Variants in ADAR observed in about 807,000 individuals in gnomAD.
ADAR encodes double-stranded RNA-specific adenosine deaminase.
Under a neutral mutation model 113.2 loss-of-function variants are expected in ADAR, and 41 were observed. The ratio of observed to expected loss-of-function variants is 0.36; its 90% CI spans 0.28 to 0.47. ADAR has a LOEUF of 0.47. ADAR is among the 20% of genes least tolerant of loss of function. ADAR has a pLI of 1.00. For missense variants in ADAR, 1,242 were observed against 1,540.9 expected (o/e 0.81, Z 3.25); for synonymous variants, 605 against 572.6 (o/e 1.06, Z -0.81).
At position 154,602,119 on chromosome 1, in the gene ADAR, C is replaced by T. The variant is rs1341895249; in HGVS notation, c.523G>A (p.Val175Ile). The T allele has an allele frequency of 8.1e-6, 13 of 1,614,224 alleles. No individual in the cohort carries two copies. The highest frequency in any genetic ancestry group is 1.0e-5 in the Non-Finnish European group (12 of 1,180,050). Reference sequence around the variant, plus strand: ...CCCTTCTTTGCCAGGGAGTATAAAACTCGATTGATTTCTTTCTTCGGAGTC... The same window carrying T: ...CCCTTCTTTGCCAGGGAGTATAAAATTCGATTGATTTCTTTCTTCGGAGTC... ...LGTPKKEINR[V>I]LYSLAKKGKL... Residue 175 changes from valine to isoleucine, a missense_variant, in exon 2 of 15, where the codon GTT becomes ATT. Coordinates refer to ENST00000368474, the MANE Select transcript of ADAR (RefSeq NM_001111.5).
At chr1:154,607,486 G>A (rs920889045) in intron 1 of ADAR, among the ~76,000 whole-genome samples, 4 of 152,010 alleles carry the variant, frequency 2.6e-5, no homozygotes, top group Non-Finnish European at 4.4e-5. Context: ...GATAGTGTGC[G>A]CTGCTCAAAG....
chr1:154,627,265 T>A (rs1698967418), intron 1 of ADAR, among the ~76,000 whole-genome samples: 1 of 152,236 alleles, frequency 6.6e-6, no homozygotes. Context: ...CTAGGCCTCC[T>A]GCACCAGGCC....
chr1:154,590,971 A>C (rs920036124), intron 6 of ADAR, among the ~76,000 whole-genome samples: 5 of 151,954 alleles, frequency 3.3e-5, no homozygotes, highest in Non-Finnish European at 7.4e-5. Flanking sequence ...AAACAAACAG[A>C]CTCTAAAAAT....
In ADAR at chr1:154,598,534, A is replaced by G. The variant is rs1697653333; in HGVS notation, c.1653T>C (p.Ala551=). The change falls in exon 3 of 15, where the codon GCT becomes GCC. Residue 551 remains alanine (A), a synonymous_variant. Coordinates refer to ENST00000368474, the MANE Select transcript of ADAR (RefSeq NM_001111.5). ...INGREFPPAE[A]GSKKVAKQDA... ...CCTGCTTGGCCACTTTCTTGCTTCC[A>G]GCTTCAGCTGGGGGAAACTCTCGGC... is the stretch of plus-strand genomic sequence containing the variant. 6.2e-7 allele frequency: 1 copy of G among 1,614,076 alleles called. No homozygotes were observed. Among genetic ancestry groups the G allele is most frequent in the South Asian group, 1.1e-5 (1 of 91,088 alleles).
intron 6 of ADAR, among the ~76,000 whole-genome samples, chr1:154,592,191 AAC>A (rs1180839891): frequency 5.9e-5 from 9 of 152,242 alleles, no homozygotes; most frequent in Admixed American, 3.3e-4. Flanking sequence ...CACAGGATTT[AAC>A]AGTGTCCTTC....
In ADAR at chr1:154,582,953, G is replaced by A. The variant is rs991135770; in HGVS notation, c.*1853C>T. 2 of 152,236 alleles carry A rather than the reference G, an allele frequency of 1.3e-5. No homozygotes were observed. Among genetic ancestry groups the A allele is most frequent in the African/African-American group, 4.8e-5 (2 of 41,448 alleles). 9.4% of individuals were successfully genotyped at this position (152,236 alleles called of 1,614,324 possible). A position where few individuals can be genotyped will look rare whatever the true frequency, so the allele number is the denominator to read the frequency against. On this transcript the variant is annotated 3_prime_UTR_variant, in exon 15 of 15. Coordinates refer to ENST00000368474, the MANE Select transcript of ADAR (RefSeq NM_001111.5). Reference sequence around the variant, plus strand: ...TTGGTGTTCTGCAAAGGCATCCTTAGTCTATTTTTAGAACTTGCATTTTCT... The same window carrying A: ...TTGGTGTTCTGCAAAGGCATCCTTAATCTATTTTTAGAACTTGCATTTTCT...
intron 3 of ADAR, 136 bp from the exon 4 acceptor site, chr1:154,598,112 G>A: frequency 9.5e-7 from 1 of 1,049,376 alleles, no homozygotes; most frequent in Non-Finnish European, 1.4e-6. Context: ...TAAAGGGGCT[G>A]CTGGAGCTCT....
intron 8 of ADAR, 37 bp downstream of exon 8, chr1:154,589,720 C>T (rs767361741): frequency 4.3e-6 from 7 of 1,613,144 alleles, no homozygotes; most frequent in Admixed American, 3.3e-5. Context: ...CGCTTTCAGG[C>T]GCCATGGGAG....
chr1:154,587,455 C>T (rs1389156708), intron 11 of ADAR, among the ~76,000 whole-genome samples: 1 of 152,152 alleles, frequency 6.6e-6, no homozygotes. Flanking sequence ...CTGCCATGAA[C>T]ATTCACATAT....
upstream of ADAR, among the ~76,000 whole-genome samples, chr1:154,609,058 T>C (rs1698391500): frequency 6.6e-6 from 1 of 152,186 alleles, no homozygotes; most frequent in Non-Finnish European, 1.5e-5. Context: ...TCTCCCTTAA[T>C]CTTCACAACA....
At chr1:154,618,202 T>C (rs1038221232) in intron 1 of ADAR, among the ~76,000 whole-genome samples, 4 of 151,410 alleles carry the variant, frequency 2.6e-5, no homozygotes, top group African/African-American at 9.7e-5. Flanking sequence ...AAATAAAACA[T>C]TAAATTAAAA....
chr1:154,592,250 G>C (rs552240405), intron 6 of ADAR, among the ~76,000 whole-genome samples: 1 of 152,202 alleles, frequency 6.6e-6, no homozygotes, highest in Non-Finnish European at 1.5e-5. Flanking sequence ...TAAAGTCTCA[G>C]CTCAGGCAGT....
chr1:154,602,847 A>G (rs1697977365), intron 1 of ADAR, among the ~76,000 whole-genome samples: 1 of 152,212 alleles, frequency 6.6e-6, no homozygotes, highest in Non-Finnish European at 1.5e-5. Context: ...CAAAGCACGC[A>G]GAACTTCCAG....
chr1:154,590,138 A>AGGGGGGG, intron 7 of ADAR, 46 bp downstream of exon 7: 22 of 1,173,668 alleles, frequency 1.9e-5, no homozygotes, highest in Middle Eastern at 2.1e-4. Context: ...AGGAGTTAGG[A>AGGGGGGG]GGACCCCCCC....
intron 1 of ADAR, among the ~76,000 whole-genome samples, chr1:154,625,391 C>T (rs1463566750): frequency 1.3e-5 from 2 of 152,224 alleles, no homozygotes; most frequent in Non-Finnish European, 1.5e-5. Context: ...TCAAACCACA[C>T]AGCTGGCTTC....
chr1:154,612,972 T>C (rs1698531632), upstream of ADAR, among the ~76,000 whole-genome samples: 1 of 151,308 alleles, frequency 6.6e-6, no homozygotes, highest in Admixed American at 6.6e-5. Flanking sequence ...CCACCATGCC[T>C]GGGTAATTTT....
rs1696876938 is a variant in ADAR, at chr1:154,588,006, A to G, written c.3019+119T>C. 8 of 1,492,672 alleles carry G rather than the reference A, an allele frequency of 5.4e-6. No individual in the cohort carries two copies. The Admixed American group carries it at 6.7e-5, about 13-fold the overall frequency. The allele number at this position is 1,492,672 out of a possible 1,614,324, so 92.5% of individuals were successfully genotyped here. On this transcript the variant is annotated intron_variant, in intron 11 of 14. Coordinates refer to ENST00000368474, the MANE Select transcript of ADAR (RefSeq NM_001111.5). ...CTGACCCAGGTCTTCCCTTTCCTGT[A>G]AACAGCACCTCTGTGCCCAGTGACT...
chr1:154,595,156 A>C (rs1697410630), intron 6 of ADAR, among the ~76,000 whole-genome samples: 1 of 152,256 alleles, frequency 6.6e-6, no homozygotes, highest in African/African-American at 2.4e-5. Context: ...GATCAGCAGC[A>C]GCATGAGATT....
chr1:154,607,101 ACAAT>A (rs1698241948), intron 1 of ADAR, among the ~76,000 whole-genome samples: 1 of 152,150 alleles, frequency 6.6e-6, no homozygotes, highest in Non-Finnish European at 1.5e-5. Flanking sequence ...ATGCCACTCA[ACAAT>A]CAATTTCTTC....
Sources: allele counts gnomAD v4.1 joint callset (sites outside exome capture counted in the v4.1 genomes callset), GRCh38; gene constraint gnomAD v4.1.1; transcripts MANE v1.5; gene names NCBI Gene and HGNC (gene_info 2026-07-23, HGNC 2026-07-21).